The following ADGRD1 variants were observed in gnomAD, a reference collection of about 807,000 sequenced individuals.
ADGRD1 encodes adhesion G protein-coupled receptor D1.
A neutral mutation model predicts 113.4 loss-of-function variants in ADGRD1; 77 were observed. That is an observed-to-expected ratio of 0.68 (90% CI 0.57 to 0.82). ADGRD1 has a LOEUF of 0.82. Among genes scored for constraint, ADGRD1 ranks in the 40% least tolerant of loss-of-function variants. The probability of loss-of-function intolerance (pLI) is 0.00; values close to 1 mark genes in which losing one functional copy is unlikely to be tolerated. For synonymous variants in ADGRD1, 474 were observed against 475.0 expected, an observed-to-expected ratio of 1.00 and a Z score of 0.03; for missense variants, 1,036 against 1,139.1, an observed-to-expected ratio of 0.91 and a Z score of 1.30.
intron 13 of ADGRD1, among the ~76,000 whole-genome samples, chr12:131,052,030 T>G (rs768274070): frequency 2.7e-4 from 41 of 152,190 alleles, no homozygotes; most frequent in Non-Finnish European, 5.3e-4. Context: ...GCTTCAGAAA[T>G]CACATCTTTC....
At chr12:131,043,481 G>C (rs1882351426) in intron 13 of ADGRD1, among the ~76,000 whole-genome samples, 1 of 152,228 alleles carries the variant, frequency 6.6e-6, no homozygotes, top group South Asian at 2.1e-4. Context: ...CTTGGCTGTG[G>C]GCGTGTGGAA....
intron 4 of ADGRD1, chr12:130,977,766 T>G (rs7958258): frequency 0.81 from 122,986 of 152,512 alleles, 50,754 homozygotes; most frequent in East Asian, 0.94. Context: ...GACTGGGGTG[T>G]GGGTACAGAC....
At chr12:131,139,009 T>C (rs889143170) in intron 24 of ADGRD1, among the ~76,000 whole-genome samples, 159 bp from the exon 25 acceptor site, 1 of 152,048 alleles carries the variant, frequency 6.6e-6, no homozygotes, top group Non-Finnish European at 1.5e-5. Flanking sequence ...CACATCCTCA[T>C]CTCCCCCAGG....
intron 13 of ADGRD1, among the ~76,000 whole-genome samples, chr12:131,061,445 C>T (rs1049275381): frequency 3.3e-5 from 5 of 152,210 alleles, no homozygotes; most frequent in East Asian, 1.9e-4. Flanking sequence ...ATCCTCTTCT[C>T]GCCTGCCCAC....
intron 13 of ADGRD1, chr12:131,070,988 C>G (rs1885118883): frequency 1.9e-6 from 1 of 513,408 alleles, no homozygotes; most frequent in South Asian, 1.4e-5. Flanking sequence ...GTAAGAGAGG[C>G]TGGAGCCACT....
chr12:130,968,650 G>A, intron 3 of ADGRD1: 1 of 313,076 alleles, frequency 3.2e-6, no homozygotes, highest in Non-Finnish European at 5.9e-6. Context: ...TGTGTTATGA[G>A]TGGCCAAGTT....
intron 8 of ADGRD1, among the ~76,000 whole-genome samples, chr12:130,996,684 G>C: frequency 1.0e-5 from 1 of 98,588 alleles, no homozygotes; most frequent in Non-Finnish European, 2.2e-5. Context: ...CCTCCCAGAC[G>C]GGGCGGCTGG....
At chr12:130,994,866 C>T (rs969199896) in intron 8 of ADGRD1, among the ~76,000 whole-genome samples, 2 of 152,172 alleles carry the variant, frequency 1.3e-5, no homozygotes, top group Non-Finnish European at 2.9e-5. Context: ...TGGCCAGGGG[C>T]ATGTCCAGTT....
intron 13 of ADGRD1, among the ~76,000 whole-genome samples, chr12:131,054,571 G>A (rs970869353): frequency 2.6e-5 from 4 of 152,138 alleles, no homozygotes; most frequent in African/African-American, 9.7e-5. Flanking sequence ...GCTATTCCTG[G>A]CCCTGTGTGA....
chr12:130,980,008 C>T (rs564338418), intron 4 of ADGRD1, among the ~76,000 whole-genome samples: 2 of 152,340 alleles, frequency 1.3e-5, no homozygotes, highest in African/African-American at 4.8e-5. Flanking sequence ...CTGACTTCCC[C>T]TTCAGCAGAG....
intron 14 of ADGRD1, among the ~76,000 whole-genome samples, chr12:131,078,225 G>A (rs1010367743): frequency 2.0e-5 from 3 of 152,218 alleles, no homozygotes; most frequent in Admixed American, 2.0e-4. Flanking sequence ...GCAGCAGGTC[G>A]GCATAATCTC....
rs1195501269 is a variant in ADGRD1 at position 131,096,421 on chromosome 12, A to C, written c.1672-8410A>C. On this transcript the variant is annotated intron_variant, in intron 15 of 24. Coordinates refer to ENST00000261654, the MANE Select transcript of ADGRD1 (RefSeq NM_198827.5). This position sits in a 1 kb window ranked among gnomAD's most constrained non-coding sequence, Gnocchi z 5.2. ...ACCACCATGCCTGGCAAGATAGCAC[A>C]CTTTAAAAAATGTATGCACGTATCT... is the stretch of plus-strand genomic sequence containing the variant. Among the ~76,000 whole-genome samples the C allele has an allele frequency of 6.6e-6, 1 of 152,148 alleles. No homozygotes were observed. Among genetic ancestry groups the C allele is most frequent in the African/African-American group, 2.4e-5 (1 of 41,430 alleles).
rs376257547 is a variant in ADGRD1 at position 131,022,830 on chromosome 12, G to C, written c.1473+8490G>C. 6.6e-6 allele frequency: 1 copy of C among 151,978 alleles called. No homozygotes were observed. The highest frequency in any genetic ancestry group is 6.6e-5 in the Admixed American group (1 of 15,260). The allele number at this position is 151,978 out of a possible 1,614,324, so 9.4% of individuals were successfully genotyped here. On this transcript the variant is annotated intron_variant, in intron 13 of 24. Coordinates refer to ENST00000261654, the MANE Select transcript of ADGRD1 (RefSeq NM_198827.5). The surrounding 1 kb of genome is among the most constrained non-coding windows in gnomAD (Gnocchi z 4.6). ...GCGTCACTGTTCTCAGTCCTCTCTCGGTGGACAGAGCCGGGAAATCTGTGT... is the reference window on the plus strand; with the variant it reads ...GCGTCACTGTTCTCAGTCCTCTCTCCGTGGACAGAGCCGGGAAATCTGTGT...
At chr12:130,994,503 C>T (rs1277224658) in intron 8 of ADGRD1, among the ~76,000 whole-genome samples, 2 of 152,216 alleles carry the variant, frequency 1.3e-5, no homozygotes, top group South Asian at 2.1e-4. Flanking sequence ...ACTCTGGGCA[C>T]GGGCGCCCTC....
intron 12 of ADGRD1, among the ~76,000 whole-genome samples, chr12:131,013,452 G>A (rs1244543921): frequency 3.9e-5 from 6 of 152,076 alleles, no homozygotes; most frequent in African/African-American, 1.4e-4. Context: ...GGGAGAATGA[G>A]GGTCTTTGAG....
intron 15 of ADGRD1, among the ~76,000 whole-genome samples, chr12:131,095,463 G>A (rs532175110): frequency 2.6e-5 from 4 of 152,338 alleles, no homozygotes; most frequent in Admixed American, 2.6e-4. Flanking sequence ...GGCTGGAGCC[G>A]CTCTGCAGAG....
chr12:131,116,502 C>T (rs1485779139), intron 18 of ADGRD1, among the ~76,000 whole-genome samples: 2 of 152,242 alleles, frequency 1.3e-5, no homozygotes, highest in Non-Finnish European at 2.9e-5. Context: ...ACGGCGTGTA[C>T]TCTGCCCCCA....
chr12:131,021,862 A>G (rs1041161932), intron 13 of ADGRD1, among the ~76,000 whole-genome samples: 1 of 152,116 alleles, frequency 6.6e-6, no homozygotes, highest in Non-Finnish European at 1.5e-5. Flanking sequence ...ATGCATCACA[A>G]TGCCCTGCTC....
At chr12:130,992,059 T>C (rs1321341373) in intron 7 of ADGRD1, among the ~76,000 whole-genome samples, 178 bp from the exon 8 acceptor site, 2 of 149,910 alleles carry the variant, frequency 1.3e-5, no homozygotes, top group African/African-American at 4.9e-5. Flanking sequence ...AGGCAGAGGC[T>C]GCAGTGAGCC....
Sources: gnomAD v4.1 joint callset for allele counts (sites outside exome capture counted in the v4.1 genomes callset) on GRCh38, gnomAD v4.1.1 for gene constraint, Gnocchi (gnomAD v3.1) non-coding constraint, MANE v1.5 for transcripts, NCBI Gene and HGNC (gene_info 2026-07-23, HGNC 2026-07-21) for gene names.